Variants in ZNF583 observed in about 807,000 individuals in gnomAD.
ZNF583 encodes the protein zinc finger protein 583.
Under a neutral mutation model 55.3 loss-of-function variants are expected in ZNF583, and 30 were observed. That is an observed-to-expected ratio of 0.54 (90% CI 0.41 to 0.74). The LOEUF is 0.74. ZNF583 is among the 30% of genes least tolerant of loss of function. ZNF583 has a pLI of 0.00. For missense variants in ZNF583, 504 were observed against 664.7 expected (o/e 0.76, Z 2.66); for synonymous variants, 208 against 220.0 (o/e 0.95, Z 0.48).
chr19:56,413,316 T>A (rs549517272), intron 2 of ZNF583, among the ~76,000 whole-genome samples: 2 of 152,360 alleles, frequency 1.3e-5, no homozygotes, highest in South Asian at 4.1e-4. Context: ...CTTTCACACA[T>A]CAGGTGATCT....
At chr19:56,407,245 TC>T in intron 2 of ZNF583, 122 bp downstream of exon 2, 2 of 1,107,912 alleles carry the variant, frequency 1.8e-6, no homozygotes. Context: ...AGTGACTCGT[TC>T]CTCATATCTT....
Position 56,423,823 on chromosome 19 carries a change from T to A in ZNF583, c.1165T>A (p.Phe389Ile). The change falls in exon 5 of 5, where the codon TTC (phenylalanine) becomes ATC (isoleucine). Residue 389 changes from phenylalanine (F) to isoleucine (I), a missense_variant. Around this residue, in one of 3 missense-constraint regions of ZNF583, gnomAD observed 237 missense variants for 373.0 expected, o/e 0.64. Coordinates refer to ENST00000333201, the MANE Select transcript of ZNF583 (RefSeq NM_152478.3). Reference sequence around the variant, plus strand: ...CGAATGTAAGGAATGTAGGAAAGCCTTCAGCCAGTATGCACACCTTGCTCA... The same window carrying A: ...CGAATGTAAGGAATGTAGGAAAGCCATCAGCCAGTATGCACACCTTGCTCA... ...PYECKECRKAFSQYAHLAQHQ... is the reference protein window; with the variant it reads ...PYECKECRKAISQYAHLAQHQ... 6.2e-7 allele frequency: 1 copy of A among 1,613,938 alleles called. No individual in the cohort carries two copies. Among genetic ancestry groups the A allele is most frequent in the Non-Finnish European group, 8.5e-7 (1 of 1,179,918 alleles).
Position 56,425,974 on chromosome 19 carries a change from G to T in ZNF583, c.*1606G>T, listed in dbSNP as rs2042489796. On this transcript the variant is annotated 3_prime_UTR_variant, in exon 5 of 5. Transcript: ENST00000333201. ...AATCAATGCAGTGATCAATTCACAT[G>T]TGACTATAGATACAAACAGAATGAC... is the stretch of plus-strand genomic sequence containing the variant. 6.6e-6 allele frequency: 1 copy of T among 152,120 alleles called. No homozygotes were observed. The highest frequency in any genetic ancestry group is 1.5e-5 in the Non-Finnish European group (1 of 68,020). The allele number at this position is 152,120 out of a possible 1,614,324, so 9.4% of individuals were successfully genotyped here. A position where few individuals can be genotyped will look rare whatever the true frequency, so the allele number is the denominator to read the frequency against.
In ZNF583 at chr19:56,421,401, G is replaced by A. The variant is rs896843268; in HGVS notation, c.233-1490G>A. The A allele has an allele frequency of 1.3e-5, 12 of 927,018 alleles. No homozygotes were observed. In the African/African-American group the frequency reaches 2.1e-4, roughly 17 times the overall value. The allele number at this position is 927,018 out of a possible 1,614,324, so 57.4% of individuals were successfully genotyped here. A position where few individuals can be genotyped will look rare whatever the true frequency, so the allele number is the denominator to read the frequency against. On this transcript the variant is annotated intron_variant, in intron 4 of 4. Coordinates refer to ENST00000333201, the MANE Select transcript of ZNF583 (RefSeq NM_152478.3). ...TTCTTTTTTGACCCATCAGTCTTCAGAATTTAATTTTCATGTTGACTTTTT... is the reference window on the plus strand; with the variant it reads ...TTCTTTTTTGACCCATCAGTCTTCAAAATTTAATTTTCATGTTGACTTTTT...
In ZNF583 at chr19:56,426,914, A is replaced by G. The variant is rs899661678; in HGVS notation, c.*2546A>G. 1 of 148,490 alleles carries G rather than the reference A, an allele frequency of 6.7e-6. No individual in the cohort carries two copies. The highest frequency in any genetic ancestry group is 1.5e-5 in the Non-Finnish European group (1 of 67,430). 9.2% of individuals were successfully genotyped at this position (148,490 alleles called of 1,614,324 possible). A position where few individuals can be genotyped will look rare whatever the true frequency, so the allele number is the denominator to read the frequency against. On this transcript the variant is annotated 3_prime_UTR_variant, in exon 5 of 5. Coordinates refer to ENST00000333201, the MANE Select transcript of ZNF583 (RefSeq NM_152478.3). ...TCTTTCCCTCCAGATTCTATTATACACATAGAACAATGTAAATGATTCTTA... is the reference window on the plus strand; with the variant it reads ...TCTTTCCCTCCAGATTCTATTATACGCATAGAACAATGTAAATGATTCTTA...
chr19:56,416,501 A>G (rs1462906244), intron 4 of ZNF583, among the ~76,000 whole-genome samples: 1 of 150,268 alleles, frequency 6.7e-6, no homozygotes, highest in East Asian at 1.9e-4. Flanking sequence ...TAATTTTCTT[A>G]TTTATTTTGA....
At chr19:56,413,883 C>T in intron 2 of ZNF583, 76 bp from the exon 3 acceptor site, 1 of 1,591,894 alleles carries the variant, frequency 6.3e-7, no homozygotes. Flanking sequence ...AAAGTATAGA[C>T]AATTTAACTT....
Position 56,426,973 on chromosome 19 carries a change from G to A in ZNF583, c.*2605G>A, listed in dbSNP as rs953053139. ...AAAAAGGTGAGGCTTTTGAGTGGAT[G>A]AAATAATTTTGTAAAAGGCAAAACA... On this transcript the variant is annotated 3_prime_UTR_variant, in exon 5 of 5. Transcript: ENST00000333201. 1 of 151,640 alleles carries A rather than the reference G, an allele frequency of 6.6e-6. No homozygotes were observed. Among genetic ancestry groups the A allele is most frequent in the Non-Finnish European group, 1.5e-5 (1 of 67,964 alleles). 9.4% of individuals were successfully genotyped at this position (151,640 alleles called of 1,614,324 possible). A position where few individuals can be genotyped will look rare whatever the true frequency, so the allele number is the denominator to read the frequency against.
intron 2 of ZNF583, among the ~76,000 whole-genome samples, chr19:56,409,779 A>G (rs1269704564): frequency 1.3e-5 from 2 of 152,230 alleles, no homozygotes. Context: ...TTAATGTAAT[A>G]CTTATACGTA....
In ZNF583 at chr19:56,404,764, G is replaced by C. The variant is rs1309643450; in HGVS notation, c.-90+312G>C. 6.6e-6 allele frequency among the ~76,000 whole-genome samples: 1 copy of C among 152,122 alleles called. No homozygotes were observed. Among genetic ancestry groups the C allele is most frequent in the Admixed American group, 6.5e-5 (1 of 15,274 alleles). ...TGCGACAGTATGAGACCGTTGCCCCGGTGTATGCGGGAGCCTTTGACAGTA... is the reference window on the plus strand; with the variant it reads ...TGCGACAGTATGAGACCGTTGCCCCCGTGTATGCGGGAGCCTTTGACAGTA... On this transcript the variant is annotated intron_variant, in intron 1 of 4. Transcript: ENST00000333201. The surrounding 1 kb of genome is among the most constrained non-coding windows in gnomAD (Gnocchi z 5.2).
intron 4 of ZNF583, among the ~76,000 whole-genome samples, chr19:56,414,961 A>T (rs28663318): frequency 0.016 from 2,405 of 149,304 alleles, 62 homozygotes; most frequent in African/African-American, 0.054. Flanking sequence ...TGAGCCTGTG[A>T]TCTGAGATCG....
chr19:56,407,035 C>T lies in ZNF583; in HGVS notation c.-80C>T. On this transcript the variant is annotated 5_prime_UTR_variant, in exon 2 of 5. Coordinates refer to ENST00000333201, the MANE Select transcript of ZNF583 (RefSeq NM_152478.3). The stretch of plus-strand genomic sequence containing the variant: ...TCTTTTCCTTCTCCAGCTCGACTTT[C>T]TCAGGATACTGTCCCTCTCCCACAG... 2 of 1,553,198 alleles carry T rather than the reference C, an allele frequency of 1.3e-6. No homozygotes were observed. The highest frequency in any genetic ancestry group is 1.8e-6 in the Non-Finnish European group (2 of 1,134,796).
At chr19:56,412,619 C>G (rs1174904934) in intron 2 of ZNF583, among the ~76,000 whole-genome samples, 3 of 152,148 alleles carry the variant, frequency 2.0e-5, no homozygotes, top group Non-Finnish European at 4.4e-5. Flanking sequence ...TTATAAGTTA[C>G]CAACTATCTT....
rs192660766 is a variant in ZNF583 at position 56,422,394 on chromosome 19, A to C, written c.233-497A>C. Among the ~76,000 whole-genome samples, 10 of 152,274 alleles carry C rather than the reference A, an allele frequency of 6.6e-5. No homozygotes were observed. In the East Asian group the frequency reaches 1.9e-3, roughly 29 times the overall value. On this transcript the variant is annotated intron_variant, in intron 4 of 4. Transcript: ENST00000333201. ...TACATAGAAAATGATTTTCTGGAAGACTTTTTTCTAACTACAGATGTTTAC... is the reference window on the plus strand; with the variant it reads ...TACATAGAAAATGATTTTCTGGAAGCCTTTTTTCTAACTACAGATGTTTAC...
At position 56,410,195 on chromosome 19, in the gene ZNF583, G is replaced by A. The variant is rs369300620; in HGVS notation, c.9+3072G>A. On this transcript the variant is annotated intron_variant, in intron 2 of 4. Transcript: ENST00000333201. ...TGAAGAACTCTTCGAGTATGTCTTC[G>A]AGTGCAAGCCAACACTTTACTCCCA... 2.1e-4 allele frequency among the ~76,000 whole-genome samples: 32 copies of A among 152,004 alleles called. No homozygotes were observed. The South Asian group carries it at 4.4e-3, about 21-fold the overall frequency.
intron 2 of ZNF583, among the ~76,000 whole-genome samples, chr19:56,412,233 G>A (rs1215571937): frequency 6.6e-6 from 1 of 152,186 alleles, no homozygotes; most frequent in African/African-American, 2.4e-5. Context: ...CCATCTCTAT[G>A]TCAGCCCAGC....
chr19:56,418,617 T>G (rs1022485999), intron 4 of ZNF583, among the ~76,000 whole-genome samples: 1 of 152,194 alleles, frequency 6.6e-6, no homozygotes, highest in African/African-American at 2.4e-5. Context: ...CTTTACATCT[T>G]ATGACCTCGC....
At chr19:56,418,617 T>TA in intron 4 of ZNF583, among the ~76,000 whole-genome samples, 1 of 152,312 alleles carries the variant, frequency 6.6e-6, no homozygotes, top group South Asian at 2.1e-4. Context: ...CTTTACATCT[T>TA]ATGACCTCGC....
intron 2 of ZNF583, 96 bp downstream of exon 2, chr19:56,407,219 A>T: frequency 7.0e-7 from 1 of 1,427,298 alleles, no homozygotes; most frequent in Non-Finnish European, 9.9e-7. Flanking sequence ...GCAACCTAAT[A>T]AGGTTCCATT....
Sources: allele counts gnomAD v4.1 joint callset (sites outside exome capture counted in the v4.1 genomes callset), GRCh38; gene constraint gnomAD v4.1.1; regional missense constraint gnomAD v4.1.1; non-coding constraint Gnocchi (gnomAD v3.1); transcripts MANE v1.5; gene names NCBI Gene and HGNC (gene_info 2026-07-23, HGNC 2026-07-21).